COLEC12: variants seen among roughly 807,000 people sequenced by gnomAD.
COLEC12 encodes the protein collectin-12.
COLEC12 carries 33 observed loss-of-function variants against 71.1 expected under a neutral mutation model. The ratio of observed to expected loss-of-function variants is 0.46; its 90% CI spans 0.35 to 0.62. The LOEUF is 0.62. COLEC12 is among the 20% of genes least tolerant of loss of function. The pLI is 0.00. For missense variants in COLEC12, 765 were observed against 916.1 expected, an observed-to-expected ratio of 0.84 and a Z score of 2.13; for synonymous variants, 350 against 353.0, an observed-to-expected ratio of 0.99 and a Z score of 0.10.
intron 2 of COLEC12, among the ~76,000 whole-genome samples, chr18:396,560 ATC>A (rs1915576301): frequency 6.6e-6 from 1 of 152,252 alleles, no homozygotes; most frequent in Non-Finnish European, 1.5e-5. Flanking sequence ...TCTCCACTGA[ATC>A]TCTTTTTCTG....
intron 1 of COLEC12, among the ~76,000 whole-genome samples, chr18:498,258 T>C (rs1422726333): frequency 1.3e-5 from 2 of 152,160 alleles, no homozygotes; most frequent in African/African-American, 4.8e-5. Flanking sequence ...TACTAAAAAA[T>C]TATTACTGCC....
intron 6 of COLEC12, chr18:334,156 C>T (rs2143437534): frequency 6.6e-6 from 1 of 152,514 alleles, no homozygotes; most frequent in South Asian, 2.1e-4. Flanking sequence ...TTCACTTCGT[C>T]ATTCCAGCCT....
chr18:320,119 GTGC>G, intron 9 of COLEC12, 55 bp from the exon 10 acceptor site: 2 of 1,016,050 alleles, frequency 2.0e-6, no homozygotes, highest in Non-Finnish European at 1.5e-6. Context: ...TAAAGTTAAT[GTGC>G]AATTCAAAAA....
chr18:369,397 ATTTTTT>A (rs1167052555), intron 2 of COLEC12, among the ~76,000 whole-genome samples: 3,804 of 99,284 alleles, frequency 0.038, 159 homozygotes, highest in African/African-American at 0.12. Context: ...TTTTTTTTTT[ATTTTTT>A]TTTATTTTTA....
intron 2 of COLEC12, among the ~76,000 whole-genome samples, chr18:384,976 T>A (rs1405447512): frequency 1.3e-5 from 2 of 152,166 alleles, no homozygotes; most frequent in East Asian, 3.8e-4. Flanking sequence ...TAAAACGCAA[T>A]CACAGTAAAT....
chr18:441,503 A>C (rs1293814558), intron 2 of COLEC12, among the ~76,000 whole-genome samples: 1 of 152,126 alleles, frequency 6.6e-6, no homozygotes, highest in Non-Finnish European at 1.5e-5. Context: ...TGTACTGTGC[A>C]GCGTACAGAC....
intron 2 of COLEC12, among the ~76,000 whole-genome samples, chr18:367,639 G>A (rs191774578): frequency 6.6e-5 from 10 of 152,268 alleles, no homozygotes; most frequent in East Asian, 1.9e-4. Flanking sequence ...TGAGTCAATC[G>A]ACTTGAAATG....
chr18:389,169 G>C (rs895833896), intron 2 of COLEC12, among the ~76,000 whole-genome samples: 1 of 150,058 alleles, frequency 6.7e-6, no homozygotes, highest in Non-Finnish European at 1.5e-5. Flanking sequence ...TGAAAAGTAG[G>C]GGATATAAAA....
At chr18:457,290 T>C (rs962045877) in intron 2 of COLEC12, among the ~76,000 whole-genome samples, 1 of 151,952 alleles carries the variant, frequency 6.6e-6, no homozygotes, top group African/African-American at 2.4e-5. Flanking sequence ...CTGCACAGAG[T>C]ACCCAGGCAC....
intron 1 of COLEC12, among the ~76,000 whole-genome samples, chr18:493,521 A>G (rs556040475): frequency 6.6e-6 from 1 of 152,344 alleles, no homozygotes; most frequent in South Asian, 2.1e-4. Flanking sequence ...CAGCCAGATT[A>G]TCTGAACCTC....
intron 8 of COLEC12, among the ~76,000 whole-genome samples, chr18:323,776 A>C (rs936262231): frequency 2.6e-5 from 4 of 152,192 alleles, no homozygotes; most frequent in African/African-American, 9.7e-5. Context: ...GATATTCTTG[A>C]CTTCTCAGTT....
chr18:497,955 C>T (rs1281565211), intron 1 of COLEC12, among the ~76,000 whole-genome samples: 4 of 152,210 alleles, frequency 2.6e-5, no homozygotes, highest in Non-Finnish European at 5.9e-5. Flanking sequence ...GGATACAGCA[C>T]CAATTGTGGG....
chr18:424,844 G>A (rs1368830573), intron 2 of COLEC12, among the ~76,000 whole-genome samples: 1 of 152,218 alleles, frequency 6.6e-6, no homozygotes, highest in African/African-American at 2.4e-5. Context: ...GGAGAGCTCA[G>A]TCTAAGGAGA....
chr18:364,782 C>T (rs1367876972), intron 2 of COLEC12, among the ~76,000 whole-genome samples: 1 of 152,142 alleles, frequency 6.6e-6, no homozygotes, highest in Non-Finnish European at 1.5e-5. Flanking sequence ...AAGGCTATTA[C>T]TGAGGACCTG....
chr18:322,148 G>C (rs1356446921), intron 8 of COLEC12, among the ~76,000 whole-genome samples: 1 of 138,832 alleles, frequency 7.2e-6, no homozygotes, highest in Non-Finnish European at 1.6e-5. Context: ...TTCTGGGCAT[G>C]AGTGTATATA....
intron 2 of COLEC12, among the ~76,000 whole-genome samples, chr18:458,185 G>A (rs1238888724): frequency 1.3e-5 from 2 of 152,192 alleles, no homozygotes; most frequent in Non-Finnish European, 2.9e-5. Context: ...TTTTCCATGA[G>A]TATTTTTAAG....
At chr18:445,887 C>A (rs1403782977) in intron 2 of COLEC12, among the ~76,000 whole-genome samples, 1 of 152,182 alleles carries the variant, frequency 6.6e-6, no homozygotes, top group African/African-American at 2.4e-5. Context: ...CTGCCTCAGC[C>A]TCCCAAAGTG....
chr18:323,216 G>A (rs534429028), intron 8 of COLEC12, among the ~76,000 whole-genome samples: 2 of 152,112 alleles, frequency 1.3e-5, no homozygotes, highest in South Asian at 4.2e-4. Context: ...ACAGAGCGAG[G>A]CTCCATCTCA....
intron 1 of COLEC12, among the ~76,000 whole-genome samples, chr18:484,862 G>T (rs1432613153): frequency 1.3e-5 from 2 of 152,204 alleles, no homozygotes; most frequent in African/African-American, 4.8e-5. Flanking sequence ...CAGCTGCTCA[G>T]TTAGCAAACA....
Sources: allele counts gnomAD v4.1 joint callset (sites outside exome capture counted in the v4.1 genomes callset), GRCh38; gene constraint gnomAD v4.1.1; transcripts MANE v1.5; gene names NCBI Gene and HGNC (gene_info 2026-07-23, HGNC 2026-07-21).